Variants in FSD2 observed in about 807,000 individuals in gnomAD.
The protein encoded by FSD2 is fibronectin type III and SPRY domain-containing protein 2.
FSD2 carries 71 observed loss-of-function variants against 80.4 expected under a neutral mutation model. The observed-to-expected ratio is 0.88, with a 90% CI of 0.73 to 1.08. The LOEUF (loss-of-function observed/expected upper bound fraction) is 1.08. FSD2 is among the 50% of genes least tolerant of loss of function. FSD2 has a pLI of 0.00. For synonymous variants in FSD2, 361 were observed against 329.5 expected, an observed-to-expected ratio of 1.10 and a Z score of -1.03; for missense variants, 923 against 913.8, an observed-to-expected ratio of 1.01 and a Z score of -0.13.
At chr15:82,764,894 C>T (rs2049377237) in intron 11 of FSD2, among the ~76,000 whole-genome samples, 2 of 152,068 alleles carry the variant, frequency 1.3e-5, no homozygotes, top group African/African-American at 4.8e-5. Context: ...TGCTCCAGCT[C>T]TGGCAGCCTA....
intron 1 of FSD2, among the ~76,000 whole-genome samples, chr15:82,789,715 C>T (rs950737060): frequency 4.6e-5 from 7 of 152,192 alleles, no homozygotes; most frequent in South Asian, 2.1e-4. Context: ...TTGCCACAAA[C>T]ATCTGCCATC....
intron 7 of FSD2, among the ~76,000 whole-genome samples, chr15:82,771,047 A>G (rs950411329): frequency 6.6e-6 from 1 of 150,898 alleles, no homozygotes; most frequent in Non-Finnish European, 1.5e-5. Context: ...CCTTATTCTG[A>G]CCACTCTCAC....
intron 11 of FSD2, among the ~76,000 whole-genome samples, chr15:82,764,808 C>T (rs2151488951): frequency 6.6e-6 from 1 of 152,050 alleles, no homozygotes; most frequent in East Asian, 1.9e-4. Flanking sequence ...GCATTTTGTC[C>T]AATTCTTTGT....
At chr15:82,759,914 C>T (rs1209326028) in intron 12 of FSD2, among the ~76,000 whole-genome samples, 1 of 152,068 alleles carries the variant, frequency 6.6e-6, no homozygotes, top group African/African-American at 2.4e-5. Context: ...CCACCTTAGC[C>T]TCCTGAGTAG....
rs2049587811 is a variant in FSD2, at chr15:82,772,011, C to T, written c.1267+62G>A. ...TCCCAACTGCCAGGAAGACAGGGCCCAGGCCCCTGAGGGGCCTGAACTGTT... is the reference window on the plus strand; with the variant it reads ...TCCCAACTGCCAGGAAGACAGGGCCTAGGCCCCTGAGGGGCCTGAACTGTT... On this transcript the variant is annotated intron_variant, in intron 7 of 12. Coordinates refer to ENST00000334574, the MANE Select transcript of FSD2 (RefSeq NM_001007122.4). 7 of 1,452,380 alleles carry T rather than the reference C, an allele frequency of 4.8e-6. No homozygotes were observed. In the East Asian group the frequency reaches 1.5e-4, roughly 31 times the overall value. 90.0% of individuals were successfully genotyped at this position (1,452,380 alleles called of 1,614,324 possible).
Position 82,769,849 on chromosome 15 carries a change from C to G in FSD2, c.1303G>C (p.Val435Leu), listed in dbSNP as rs1347910271. The G allele has an allele frequency of 6.2e-7, 1 of 1,613,896 alleles. No homozygotes were observed. Among genetic ancestry groups the G allele is most frequent in the Non-Finnish European group, 8.5e-7 (1 of 1,179,888 alleles). Reference protein sequence around the residue: ...TVTVKETYCSVTNLVPNTQYE... With the variant: ...TVTVKETYCSLTNLVPNTQYE... Reference sequence around the variant, plus strand: ...TGGGTATTTGGCACAAGGTTTGTCACTGAGCAATATGTTTCTTTGACAGTC... The same window carrying G: ...TGGGTATTTGGCACAAGGTTTGTCAGTGAGCAATATGTTTCTTTGACAGTC... Residue 435 changes from valine to leucine, a missense_variant, in exon 8 of 13, where the codon GTG becomes CTG. Physicochemically the swap from Val to Leu is conservative, Grantham distance 32. Transcript: ENST00000334574.
chr15:82,771,842 T>G (rs1440360922), intron 7 of FSD2, among the ~76,000 whole-genome samples: 1 of 152,218 alleles, frequency 6.6e-6, no homozygotes, highest in Non-Finnish European at 1.5e-5. Context: ...TCTGACCCAA[T>G]GGCTGTAGAT....
chr15:82,759,990 C>T (rs180714408), intron 12 of FSD2, among the ~76,000 whole-genome samples: 1,591 of 152,184 alleles, frequency 0.01, 7 homozygotes, highest in Non-Finnish European at 0.016. Context: ...GACAGGGTTT[C>T]ACTGTGTTGC....
Position 82,765,152 on chromosome 15 carries a change from G to A in FSD2, c.1820+14C>T, listed in dbSNP as rs377057573. 7.0e-6 allele frequency: 11 copies of A among 1,580,556 alleles called. No homozygotes were observed. Among genetic ancestry groups the A allele is most frequent in the East Asian group, 2.3e-5 (1 of 43,794 alleles). On this transcript the variant is annotated intron_variant, in intron 11 of 12. Transcript: ENST00000334574. ...AAGTTCACAGAACGCCCTTGTGAGC[G>A]GTTGACAAAGTACCTGGTGAAGTGA...
intron 12 of FSD2, 35 bp downstream of exon 12, chr15:82,762,067 A>G (rs2049306544): frequency 6.6e-7 from 1 of 1,517,492 alleles, no homozygotes; most frequent in Non-Finnish European, 8.9e-7. Context: ...TTTCAAAAGC[A>G]AATTTTAATT....
At chr15:82,767,076 G>A (rs1877241) in intron 9 of FSD2, among the ~76,000 whole-genome samples, 128,263 of 152,138 alleles carry the variant, frequency 0.84, 54,596 homozygotes, top group African/African-American at 0.96. Flanking sequence ...TTCAATAAAT[G>A]TTAACTAAAC....
At position 82,787,262 on chromosome 15, in the gene FSD2, C is replaced by T. The variant is rs376897096; in HGVS notation, c.129G>A (p.Met43Ile). Residue 43 changes from methionine (M) to isoleucine (I), a missense_variant, in exon 2 of 13, where the codon ATG becomes ATA. Physicochemically the swap from Met to Ile is conservative, Grantham distance 10. Coordinates refer to ENST00000334574, the MANE Select transcript of FSD2 (RefSeq NM_001007122.4). ...LHLFPEENTR[M>I]RKVVQAEMAN... Reference sequence around the variant, plus strand: ...CCATTTCAGCTTGGACTACTTTCCTCATCCTAGTGTTCTCTTCTGGAAAGA... The same window carrying T: ...CCATTTCAGCTTGGACTACTTTCCTTATCCTAGTGTTCTCTTCTGGAAAGA... 44 of 1,613,790 alleles carry T rather than the reference C, an allele frequency of 2.7e-5. No homozygotes were observed. In the African/African-American group the frequency reaches 5.5e-4, roughly 20 times the overall value.
chr15:82,800,671 G>A (rs558315993), intron 1 of FSD2, among the ~76,000 whole-genome samples: 1 of 122,316 alleles, frequency 8.2e-6, no homozygotes, highest in East Asian at 2.4e-4. Context: ...CAGCCTGGGG[G>A]ATAGAGCGAG....
rs144724680 is a variant in FSD2 at position 82,780,055 on chromosome 15, G to A, written c.989+190C>T. ...ACCGTACACGCTCCCTACTAGCCCT[G>A]AGATCCTGAGATTCAATACTAGATG... On this transcript the variant is annotated intron_variant, in intron 5 of 12. Transcript: ENST00000334574. Among the ~76,000 whole-genome samples the A allele has an allele frequency of 1.5e-3, 235 of 152,132 alleles. 1 individual carries two copies. The highest frequency in any genetic ancestry group is 5.5e-3 in the African/African-American group (227 of 41,522).
At chr15:82,768,280 C>T (rs770773439) in intron 9 of FSD2, among the ~76,000 whole-genome samples, 1 of 152,212 alleles carries the variant, frequency 6.6e-6, no homozygotes, top group African/African-American at 2.4e-5. Context: ...TGCCCCAGGG[C>T]CTGTGTTCAT....
chr15:82,774,601 C>T (rs1428140375), intron 6 of FSD2, among the ~76,000 whole-genome samples: 1 of 152,160 alleles, frequency 6.6e-6, no homozygotes, highest in Non-Finnish European at 1.5e-5. Context: ...CATCTCTTAA[C>T]CTCTATGCTA....
chr15:82,780,130 G>C, intron 5 of FSD2, 115 bp downstream of exon 5: 11 of 707,448 alleles, frequency 1.6e-5, no homozygotes, highest in Middle Eastern at 2.4e-4. Context: ...AATTTAATCA[G>C]GATTGACACA....
intron 6 of FSD2, among the ~76,000 whole-genome samples, chr15:82,778,127 C>CATATATATATATATAT (rs34527251): frequency 0.016 from 1,340 of 83,736 alleles, 34 homozygotes; most frequent in African/African-American, 0.027. Context: ...ACAAAAAAAC[C>CATATATATATATATAT]ATATATATAT....
Position 82,756,187 on chromosome 15 carries a change from A to G in FSD2, c.*3161T>C. 3.4e-6 allele frequency: 1 copy of G among 297,704 alleles called. No individual in the cohort carries two copies. 18.4% of individuals were successfully genotyped at this position (297,704 alleles called of 1,614,324 possible). A position where few individuals can be genotyped will look rare whatever the true frequency, so the allele number is the denominator to read the frequency against. On this transcript the variant is annotated 3_prime_UTR_variant, in exon 13 of 13. Coordinates refer to ENST00000334574, the MANE Select transcript of FSD2 (RefSeq NM_001007122.4). ...AATCTTGCTCTACTAATTGATAGGA[A>G]GGTGACTAGAAATTGGCGAAGTTTT...
Sources: allele counts gnomAD v4.1 joint callset (sites outside exome capture counted in the v4.1 genomes callset), GRCh38; gene constraint gnomAD v4.1.1; transcripts MANE v1.5; gene names NCBI Gene and HGNC (gene_info 2026-07-23, HGNC 2026-07-21).